EIF3M: variants seen among roughly 807,000 people sequenced by gnomAD.
The protein encoded by EIF3M is B5 receptor.
A neutral mutation model predicts 49.7 loss-of-function variants in EIF3M; 25 were observed. The observed-to-expected ratio is 0.50, with a 90% CI of 0.37 to 0.70. The LOEUF is 0.70. EIF3M is among the 30% of genes least tolerant of loss of function. EIF3M has a pLI of 0.00. For synonymous variants in EIF3M, 156 were observed against 149.8 expected, an observed-to-expected ratio of 1.04 and a Z score of -0.30; for missense variants, 350 against 440.0, an observed-to-expected ratio of 0.80 and a Z score of 1.83.
Position 32,603,538 on chromosome 11 carries a change from C to G in EIF3M, c.*1139C>G, listed in dbSNP as rs886212813. ...TATTATTTGCTGCTAGCGTTTTTTTCTATTTTTAGCCTATTTGATCATTCT... is the reference window on the plus strand; with the variant it reads ...TATTATTTGCTGCTAGCGTTTTTTTGTATTTTTAGCCTATTTGATCATTCT... On this transcript the variant is annotated 3_prime_UTR_variant, in exon 11 of 11. Transcript: ENST00000531120. The G allele has an allele frequency of 6.6e-5, 10 of 152,094 alleles. No homozygotes were observed. The highest frequency in any genetic ancestry group is 2.4e-4 in the African/African-American group (10 of 41,368). The allele number at this position is 152,094 out of a possible 1,614,324, so 9.4% of individuals were successfully genotyped here.
At position 32,604,677 on chromosome 11, in the gene EIF3M, T is replaced by A. The variant is rs1462327002; in HGVS notation, c.*2278T>A. On this transcript the variant is annotated 3_prime_UTR_variant, in exon 11 of 11. Coordinates refer to ENST00000531120, the MANE Select transcript of EIF3M (RefSeq NM_006360.6). ...TGTTCTGCAAATTATTTCTGGACATTTAAATTGTAAGAAAATGGTCACTGT... is the reference window on the plus strand; with the variant it reads ...TGTTCTGCAAATTATTTCTGGACATATAAATTGTAAGAAAATGGTCACTGT... 1 of 152,188 alleles carries A rather than the reference T, an allele frequency of 6.6e-6. No homozygotes were observed. Among genetic ancestry groups the A allele is most frequent in the Non-Finnish European group, 1.5e-5 (1 of 68,030 alleles). The allele number at this position is 152,188 out of a possible 1,614,324, so 9.4% of individuals were successfully genotyped here. A position where few individuals can be genotyped will look rare whatever the true frequency, so the allele number is the denominator to read the frequency against.
chr11:32,592,101 C>T (rs569498533), intron 5 of EIF3M: 2 of 301,888 alleles, frequency 6.6e-6, no homozygotes, highest in African/African-American at 4.5e-5. Context: ...TCCTCCATAA[C>T]TACTTCTGCT....
rs748238708 is a variant in EIF3M at position 32,603,062 on chromosome 11, A to AAAAG, written c.*665_*668dup. On this transcript the variant is annotated 3_prime_UTR_variant, in exon 11 of 11. Coordinates refer to ENST00000531120, the MANE Select transcript of EIF3M (RefSeq NM_006360.6). ...AATTTTACCTTCGAAATTATTATAC[A>AAAAG]AAAGATTTTAAAGAGTCTGTAAAGC... 6.8e-7 allele frequency: 1 copy of AAAAG among 1,477,334 alleles called. No homozygotes were observed. The highest frequency in any genetic ancestry group is 9.2e-7 in the Non-Finnish European group (1 of 1,081,400). The allele number at this position is 1,477,334 out of a possible 1,614,324, so 91.5% of individuals were successfully genotyped here.
rs1443910295 is a variant in EIF3M at position 32,583,953 on chromosome 11, G to T, written c.42+24G>T. 10 of 1,613,314 alleles carry T rather than the reference G, an allele frequency of 6.2e-6. No individual in the cohort carries two copies. In the South Asian group the frequency reaches 9.9e-5, roughly 16 times the overall value. On this transcript the variant is annotated intron_variant, in intron 1 of 10. Coordinates refer to ENST00000531120, the MANE Select transcript of EIF3M (RefSeq NM_006360.6). ...AGGTGTGCTTCGGTCTACGGGTGCC[G>T]CCACGGTGGGGTGGGGGATGTCCTA...
Position 32,599,466 on chromosome 11 carries a change from T to C in EIF3M, c.800-1223T>C, listed in dbSNP as rs79977621. ...ATGATCATGTCCTATGTTAATGGGC[T>C]TCCCTAATCTTCCACTAATATATGA... On this transcript the variant is annotated intron_variant, in intron 8 of 10. Transcript: ENST00000531120. Among the ~76,000 whole-genome samples, 945 of 152,052 alleles carry C rather than the reference T, an allele frequency of 6.2e-3. 12 individuals are homozygous for C. Among genetic ancestry groups the C allele is most frequent in the African/African-American group, 0.022 (901 of 41,518 alleles).
At chr11:32,601,731 A>G (rs760786011) in intron 9 of EIF3M, 31 bp from the exon 10 acceptor site, 3 of 1,594,346 alleles carry the variant, frequency 1.9e-6, no homozygotes, top group East Asian at 2.2e-5. Context: ...AATTTTCCAT[A>G]TAACATACGA....
rs867663693 is a variant in EIF3M, at chr11:32,599,820, C to T, written c.800-869C>T. The stretch of plus-strand genomic sequence containing the variant: ...AAATGAACCTATTCTAGGCCTAGCA[C>T]TGCTATTTTTTGACTATAAGTCCCC... On this transcript the variant is annotated intron_variant, in intron 8 of 10. Coordinates refer to ENST00000531120, the MANE Select transcript of EIF3M (RefSeq NM_006360.6). Among the ~76,000 whole-genome samples the T allele has an allele frequency of 3.9e-5, 6 of 151,956 alleles. No individual in the cohort carries two copies. In the South Asian group the frequency reaches 1.2e-3, roughly 32 times the overall value.
At chr11:32,595,559 C>G (rs575952882) in intron 7 of EIF3M, among the ~76,000 whole-genome samples, 7 of 152,292 alleles carry the variant, frequency 4.6e-5, no homozygotes, top group African/African-American at 1.7e-4. Context: ...CATCTTCTCA[C>G]TTACTCATCA....
At chr11:32,601,929 T>A (rs1056717739) in intron 10 of EIF3M, 107 bp downstream of exon 10, 5 of 1,144,924 alleles carry the variant, frequency 4.4e-6, no homozygotes, top group Non-Finnish European at 6.3e-6. Context: ...TTGACTGTAG[T>A]TAAATAGTTG....
chr11:32,601,981 T>C, intron 10 of EIF3M, 159 bp downstream of exon 10: 1 of 880,784 alleles, frequency 1.1e-6, no homozygotes. Flanking sequence ...TGAATGTGAT[T>C]AGCTTATTTA....
intron 8 of EIF3M, among the ~76,000 whole-genome samples, chr11:32,596,452 G>A (rs1303084521): frequency 2.6e-5 from 4 of 151,866 alleles, no homozygotes; most frequent in African/African-American, 4.8e-5. Flanking sequence ...AAAATTAGCC[G>A]GGCGCGGTGG....
chr11:32,588,850 T>C (rs1855047194), intron 3 of EIF3M, 118 bp downstream of exon 3: 1 of 1,553,672 alleles, frequency 6.4e-7, no homozygotes, highest in Non-Finnish European at 8.7e-7. Flanking sequence ...TCATATTAGC[T>C]GTGACCTTGG....
At position 32,588,584 on chromosome 11, in the gene EIF3M, A is replaced by G. The variant is rs369305232; in HGVS notation, c.176-10A>G. ...TATCACTGTTGATTGTGTTATCCAT[A>G]CTTGTGTAGATGTTGAAAGTGTGAT... On this transcript the variant is annotated splice_polypyrimidine_tract_variant and intron_variant, in intron 2 of 10. Coordinates refer to ENST00000531120, the MANE Select transcript of EIF3M (RefSeq NM_006360.6). The G allele has an allele frequency of 2.8e-5, 45 of 1,611,918 alleles. No homozygotes were observed. The African/African-American group carries it at 6.1e-4, about 22-fold the overall frequency.
At chr11:32,595,238 T>C (rs1353319434) in intron 7 of EIF3M, among the ~76,000 whole-genome samples, 1 of 152,072 alleles carries the variant, frequency 6.6e-6, no homozygotes, top group Non-Finnish European at 1.5e-5. Flanking sequence ...ATTTCTTTTT[T>C]TTTTTTGAGA....
chr11:32,596,980 C>T (rs1212270336), intron 8 of EIF3M, among the ~76,000 whole-genome samples: 1 of 152,086 alleles, frequency 6.6e-6, no homozygotes, highest in Admixed American at 6.5e-5. Flanking sequence ...GAACTTTAGG[C>T]CCTTCCAGCT....
At position 32,604,327 on chromosome 11, in the gene EIF3M, CTCTT is replaced by C. The variant is rs1855317373; in HGVS notation, c.*1929_*1932del. 6.6e-6 allele frequency: 1 copy of C among 150,870 alleles called. No homozygotes were observed. The highest frequency in any genetic ancestry group is 6.6e-5 in the Admixed American group (1 of 15,236). 9.3% of individuals were successfully genotyped at this position (150,870 alleles called of 1,614,324 possible). Reference sequence around the variant, plus strand: ...TTTGCCATGTTGCCCAGGCTGGTCTCTCTTAACTCTTGGGCTCAAGTGATCTGAC... The same window carrying C: ...TTTGCCATGTTGCCCAGGCTGGTCTCAACTCTTGGGCTCAAGTGATCTGAC... On this transcript the variant is annotated 3_prime_UTR_variant, in exon 11 of 11. Transcript: ENST00000531120.
intron 5 of EIF3M, among the ~76,000 whole-genome samples, chr11:32,590,507 A>C (rs1253056332): frequency 6.6e-6 from 1 of 152,140 alleles, no homozygotes; most frequent in African/African-American, 2.4e-5. Context: ...CTAGCATTTA[A>C]CACCCTTAGT....
At chr11:32,592,791 AT>A (rs1188453375) in intron 5 of EIF3M, 12 of 394,306 alleles carry the variant, frequency 3.0e-5, no homozygotes, top group Non-Finnish European at 5.8e-5. Flanking sequence ...TTCAGTATTA[AT>A]TTTTTATTTT....
chr11:32,592,211 A>G (rs989436957), intron 5 of EIF3M: 7 of 378,756 alleles, frequency 1.8e-5, no homozygotes, highest in Admixed American at 3.8e-5. Flanking sequence ...TAAAGTTGCT[A>G]GATCCACTCC....
Sources: allele counts gnomAD v4.1 joint callset (sites outside exome capture counted in the v4.1 genomes callset), GRCh38; gene constraint gnomAD v4.1.1; transcripts MANE v1.5; gene names NCBI Gene and HGNC (gene_info 2026-07-23, HGNC 2026-07-21).